Variants in AGBL4 observed in about 807,000 individuals in gnomAD.
AGBL4 encodes the protein cytosolic carboxypeptidase 6.
AGBL4 carries 58 observed loss-of-function variants against 66.4 expected under a neutral mutation model. The ratio of observed to expected loss-of-function variants is 0.87; its 90% CI spans 0.71 to 1.09. AGBL4 has a LOEUF of 1.09. AGBL4 is among the 50% of genes least tolerant of loss of function. The probability of loss-of-function intolerance (pLI) is 0.00; values close to 1 mark genes in which losing one functional copy is unlikely to be tolerated. For missense variants in AGBL4, 579 were observed against 631.0 expected (o/e 0.92, Z 0.88); for synonymous variants, 234 against 222.9 (o/e 1.05, Z -0.44).
At chr1:49,277,881 A>C (rs550154241) in intron 3 of AGBL4, among the ~76,000 whole-genome samples, 17 of 152,284 alleles carry the variant, frequency 1.1e-4, no homozygotes, top group African/African-American at 3.9e-4. Context: ...GTGTTCAATA[A>C]AGCAAGCACT....
At chr1:49,732,712 T>A (rs1460405342) in intron 2 of AGBL4, among the ~76,000 whole-genome samples, 1 of 152,030 alleles carries the variant, frequency 6.6e-6, no homozygotes, top group Non-Finnish European at 1.5e-5. Context: ...ACAGAAAATA[T>A]CAAATCTAAA....
intron 1 of AGBL4, among the ~76,000 whole-genome samples, chr1:49,993,431 C>T (rs2148406583): frequency 6.6e-6 from 1 of 152,280 alleles, no homozygotes; most frequent in African/African-American, 2.4e-5. Flanking sequence ...AGTCTCTACT[C>T]TTCTATCCAG....
At chr1:49,513,400 T>C (rs1649456796) in intron 3 of AGBL4, among the ~76,000 whole-genome samples, 1 of 151,982 alleles carries the variant, frequency 6.6e-6, no homozygotes, top group Non-Finnish European at 1.5e-5. Flanking sequence ...GATATGTAGT[T>C]TTTTAACCTA....
At chr1:49,976,162 A>T (rs908398749) in intron 1 of AGBL4, among the ~76,000 whole-genome samples, 1 of 152,156 alleles carries the variant, frequency 6.6e-6, no homozygotes. Context: ...TGAGCCAACT[A>T]ACAACTAGAA....
At chr1:49,408,738 C>T (rs551321371) in intron 3 of AGBL4, among the ~76,000 whole-genome samples, 16 of 152,312 alleles carry the variant, frequency 1.1e-4, no homozygotes, top group African/African-American at 3.4e-4. Flanking sequence ...CAGAGGCTCT[C>T]GGGCCTTAGG....
chr1:49,112,248 G>C (rs1645426829), intron 4 of AGBL4, among the ~76,000 whole-genome samples: 1 of 152,224 alleles, frequency 6.6e-6, no homozygotes, highest in Non-Finnish European at 1.5e-5. Context: ...ATAACATAGT[G>C]ATAGAAATAG....
At chr1:48,688,450 T>A (rs955934556) in intron 6 of AGBL4, among the ~76,000 whole-genome samples, 12 of 152,232 alleles carry the variant, frequency 7.9e-5, no homozygotes, top group Non-Finnish European at 5.9e-5. Context: ...GTCTTGCCTG[T>A]CTTTAAGGCT....
At chr1:49,023,896 G>A (rs530144712) in intron 5 of AGBL4, among the ~76,000 whole-genome samples, 4 of 152,206 alleles carry the variant, frequency 2.6e-5, no homozygotes, top group African/African-American at 9.6e-5. Context: ...ATGGCATCAG[G>A]TTTTCTTAAT....
intron 5 of AGBL4, among the ~76,000 whole-genome samples, chr1:48,899,245 G>T (rs1279718930): frequency 6.6e-6 from 1 of 152,242 alleles, no homozygotes; most frequent in East Asian, 1.9e-4. Flanking sequence ...GCGGGCGAGG[G>T]CCTATAATTT....
chr1:49,798,703 T>C (rs1487746803), intron 2 of AGBL4, among the ~76,000 whole-genome samples: 5 of 152,166 alleles, frequency 3.3e-5, no homozygotes, highest in African/African-American at 1.2e-4. Flanking sequence ...AATATTGACA[T>C]TTGCAATGCA....
chr1:48,827,869 T>TG (rs1383475498), intron 6 of AGBL4, among the ~76,000 whole-genome samples: 1 of 151,710 alleles, frequency 6.6e-6, no homozygotes, highest in African/African-American at 2.4e-5. Context: ...GTATTGAAAA[T>TG]GGGGGCCAGG....
intron 4 of AGBL4, among the ~76,000 whole-genome samples, chr1:49,236,393 T>C (rs1650746740): frequency 6.6e-6 from 1 of 152,154 alleles, no homozygotes; most frequent in Non-Finnish European, 1.5e-5. Flanking sequence ...CTCCTCTCCA[T>C]GTGTCTTCTC....
At chr1:49,015,275 A>G (rs1340623395) in intron 5 of AGBL4, among the ~76,000 whole-genome samples, 1 of 152,066 alleles carries the variant, frequency 6.6e-6, no homozygotes, top group African/African-American at 2.4e-5. Flanking sequence ...TCTTTCCGCT[A>G]TCTAAAGCTG....
intron 3 of AGBL4, among the ~76,000 whole-genome samples, chr1:49,248,865 T>A (rs1324019100): frequency 3.3e-5 from 5 of 152,216 alleles, no homozygotes; most frequent in Non-Finnish European, 5.9e-5. Flanking sequence ...TAGATTTAAA[T>A]TTTTAACCTG....
intron 3 of AGBL4, among the ~76,000 whole-genome samples, chr1:49,690,858 C>T (rs1646873857): frequency 6.6e-6 from 1 of 152,084 alleles, no homozygotes; most frequent in South Asian, 2.1e-4. Context: ...TCCATCAACG[C>T]TATTAGGTAC....
rs1216142214 is a variant in AGBL4, at chr1:49,107,005, A to G, written c.378-61205T>C. Among the ~76,000 whole-genome samples the G allele has an allele frequency of 2.6e-5, 4 of 152,284 alleles. No homozygotes were observed. In the East Asian group the frequency reaches 7.7e-4, roughly 29 times the overall value. ...TGAAATCCTAAGATCATGAGGTTCA[A>G]CTGACAAAGAAACAAAAGGTGAAGT... On this transcript the variant is annotated intron_variant, in intron 4 of 13. Transcript: ENST00000371839.
intron 1 of AGBL4, among the ~76,000 whole-genome samples, chr1:49,859,953 T>G (rs963866284): frequency 6.6e-6 from 1 of 152,146 alleles, no homozygotes; most frequent in Non-Finnish European, 1.5e-5. Context: ...AATAAGCAAT[T>G]GTAAATTAAA....
intron 3 of AGBL4, among the ~76,000 whole-genome samples, chr1:49,589,399 T>C (rs1644711020): frequency 6.6e-6 from 1 of 152,078 alleles, no homozygotes; most frequent in Non-Finnish European, 1.5e-5. Context: ...TAATTCCCTT[T>C]TTCACTATAC....
intron 6 of AGBL4, among the ~76,000 whole-genome samples, chr1:48,841,105 G>T (rs1461721587): frequency 6.6e-6 from 1 of 152,138 alleles, no homozygotes; most frequent in African/African-American, 2.4e-5. Flanking sequence ...GTTTGCTAGG[G>T]GTTAGGAGGA....
Sources: allele counts gnomAD v4.1 joint callset (sites outside exome capture counted in the v4.1 genomes callset), GRCh38; gene constraint gnomAD v4.1.1; transcripts MANE v1.5; gene names NCBI Gene and HGNC (gene_info 2026-07-23, HGNC 2026-07-21).